The following RNF150 variants were observed in gnomAD, a reference collection of about 807,000 sequenced individuals.
RNF150 encodes ring finger protein 150.
RNF150 carries 24 observed loss-of-function variants against 39.3 expected under a neutral mutation model. The observed-to-expected ratio is 0.61, with a 90% CI of 0.44 to 0.86. The LOEUF (loss-of-function observed/expected upper bound fraction) is 0.86, where lower values mean the gene tolerates loss of function less well. RNF150 is among the 40% of genes least tolerant of loss of function. The probability of loss-of-function intolerance (pLI) is 0.00; values close to 1 mark genes in which losing one functional copy is unlikely to be tolerated. For synonymous variants in RNF150, 255 were observed against 227.3 expected, an observed-to-expected ratio of 1.12 and a Z score of -1.10; for missense variants, 502 against 587.8, an observed-to-expected ratio of 0.85 and a Z score of 1.51.
At chr4:141,145,656 A>G (rs1486994695) in intron 1 of RNF150, among the ~76,000 whole-genome samples, 1 of 152,176 alleles carries the variant, frequency 6.6e-6, no homozygotes, top group African/African-American at 2.4e-5. Flanking sequence ...TAAACTGAAA[A>G]ATCTTTGAAA....
chr4:141,138,212 A>G (rs1430301088), upstream of RNF150, among the ~76,000 whole-genome samples: 1 of 152,208 alleles, frequency 6.6e-6, no homozygotes, highest in Non-Finnish European at 1.5e-5. Flanking sequence ...ACATATTTTA[A>G]TGGTTTAATT....
chr4:140,933,883 T>C (rs1307964310), intron 4 of RNF150, among the ~76,000 whole-genome samples: 2 of 152,252 alleles, frequency 1.3e-5, no homozygotes, highest in Non-Finnish European at 2.9e-5. Flanking sequence ...GACACCAGTC[T>C]CATCCTACCA....
At chr4:141,040,150 G>A (rs972783867) in intron 1 of RNF150, among the ~76,000 whole-genome samples, 4 of 137,374 alleles carry the variant, frequency 2.9e-5, no homozygotes, top group Non-Finnish European at 4.9e-5. Flanking sequence ...CAAGAACCCC[G>A]GGTGCTGGTA....
At chr4:140,981,755 A>AT (rs1481929548) in intron 1 of RNF150, among the ~76,000 whole-genome samples, 3 of 152,138 alleles carry the variant, frequency 2.0e-5, no homozygotes, top group African/African-American at 7.2e-5. Flanking sequence ...ATTGTATTTG[A>AT]TTTTTTAAGG....
chr4:140,926,406 AC>A (rs1731400946), intron 4 of RNF150, among the ~76,000 whole-genome samples: 1 of 152,208 alleles, frequency 6.6e-6, no homozygotes, highest in African/African-American at 2.4e-5. Context: ...ACTTGTACAC[AC>A]CTTGTAGGAT....
At chr4:140,968,316 G>GCT (rs925067540) in intron 1 of RNF150, among the ~76,000 whole-genome samples, 1 of 151,758 alleles carries the variant, frequency 6.6e-6, no homozygotes, top group African/African-American at 2.4e-5. Context: ...CCACCTGAGA[G>GCT]CTCTCTCTCC....
At chr4:141,041,806 G>T (rs1560705171) in intron 1 of RNF150, among the ~76,000 whole-genome samples, 1 of 152,078 alleles carries the variant, frequency 6.6e-6, no homozygotes, top group Non-Finnish European at 1.5e-5. Context: ...AACGGTAAAA[G>T]TAATATATGG....
At chr4:141,059,336 G>A (rs1011923764) in intron 1 of RNF150, among the ~76,000 whole-genome samples, 1 of 151,946 alleles carries the variant, frequency 6.6e-6, no homozygotes. Flanking sequence ...TTTTGGTTTT[G>A]CATCATATCC....
chr4:141,075,035 T>C (rs1160789365), intron 1 of RNF150, among the ~76,000 whole-genome samples: 1 of 152,228 alleles, frequency 6.6e-6, no homozygotes, highest in African/African-American at 2.4e-5. Flanking sequence ...TGAGTTTTGT[T>C]AGTGTGATTC....
chr4:140,894,702 C>T (rs1262151830), intron 6 of RNF150, among the ~76,000 whole-genome samples: 1 of 152,232 alleles, frequency 6.6e-6, no homozygotes, highest in Non-Finnish European at 1.5e-5. Context: ...CAGCCACAAA[C>T]ATGGCCCATG....
intron 1 of RNF150, among the ~76,000 whole-genome samples, chr4:141,094,625 G>A (rs1225646027): frequency 6.6e-6 from 1 of 152,246 alleles, no homozygotes; most frequent in Non-Finnish European, 1.5e-5. Context: ...TACAAAAACA[G>A]GCCTCAGGCC....
At chr4:140,876,228 A>G (rs1191585328) in intron 6 of RNF150, among the ~76,000 whole-genome samples, 2 of 152,254 alleles carry the variant, frequency 1.3e-5, no homozygotes, top group African/African-American at 4.8e-5. Flanking sequence ...GTATTGTACA[A>G]GAGCACTATA....
rs1052187550 is a variant in RNF150 at position 140,896,054 on chromosome 4, T to G, written c.1198+15090A>C. On this transcript the variant is annotated intron_variant, in intron 6 of 6. Coordinates refer to ENST00000515673, the MANE Select transcript of RNF150 (RefSeq NM_020724.2). ...AGGAAACAACAGGTGCTGGAGAGGATGTGGAGAAACAGGAACACTTTTACA... is the reference window on the plus strand; with the variant it reads ...AGGAAACAACAGGTGCTGGAGAGGAGGTGGAGAAACAGGAACACTTTTACA... 3.9e-3 allele frequency among the ~76,000 whole-genome samples: 479 copies of G among 124,304 alleles called. 5 individuals are homozygous for G. The highest frequency in any genetic ancestry group is 0.015 in the African/African-American group (456 of 31,016). 81.5% of individuals were successfully genotyped at this position (124,304 alleles called of 152,430 possible).
chr4:141,029,675 T>C (rs182775173), intron 1 of RNF150, among the ~76,000 whole-genome samples: 13 of 152,314 alleles, frequency 8.5e-5, no homozygotes, highest in African/African-American at 2.9e-4. Context: ...AGGGAATTCC[T>C]TTACAAATTA....
At position 140,998,111 on chromosome 4, in the gene RNF150, T is replaced by C. The variant is rs141997093; in HGVS notation, c.485-30238A>G. 3.2e-4 allele frequency among the ~76,000 whole-genome samples: 48 copies of C among 152,280 alleles called. No individual in the cohort carries two copies. In the East Asian group the frequency reaches 6.4e-3, roughly 20 times the overall value. ...TGAATATCCTTTAACTGAAATTGCT[T>C]CAGTTAGGTAACGCAAAATACAGCT... On this transcript the variant is annotated intron_variant, in intron 1 of 6. Transcript: ENST00000515673.
intron 1 of RNF150, among the ~76,000 whole-genome samples, chr4:140,993,965 G>C (rs1425496991): frequency 6.6e-6 from 1 of 152,108 alleles, no homozygotes; most frequent in Non-Finnish European, 1.5e-5. Flanking sequence ...TTGCGTTTGT[G>C]GGTGTTGTTG....
intron 1 of RNF150, among the ~76,000 whole-genome samples, chr4:141,175,890 CTT>C (rs1727801004): frequency 6.6e-6 from 1 of 151,784 alleles, no homozygotes; most frequent in Non-Finnish European, 1.5e-5. Flanking sequence ...GTAACTCTAT[CTT>C]TATTTTTTTT....
At chr4:141,148,762 C>CGTGGTA (rs1727245157) in intron 1 of RNF150, among the ~76,000 whole-genome samples, 1 of 152,138 alleles carries the variant, frequency 6.6e-6, no homozygotes, top group Admixed American at 6.5e-5. Flanking sequence ...TAAATGGTAC[C>CGTGGTA]ACGTCCCTGT....
At chr4:141,125,973 A>G (rs1726739577) in intron 1 of RNF150, among the ~76,000 whole-genome samples, 1 of 152,178 alleles carries the variant, frequency 6.6e-6, no homozygotes, top group African/African-American at 2.4e-5. Context: ...CTACACTGCC[A>G]AGAATGTTAT....
Sources: gnomAD v4.1 joint callset for allele counts (sites outside exome capture counted in the v4.1 genomes callset) on GRCh38, gnomAD v4.1.1 for gene constraint, MANE v1.5 for transcripts, NCBI Gene and HGNC (gene_info 2026-07-23, HGNC 2026-07-21) for gene names.